The following CCSER1 variants were observed in gnomAD, a reference collection of about 807,000 sequenced individuals.
The protein encoded by CCSER1 is coiled-coil serine rich protein 1.
In CCSER1, 41 loss-of-function variants were observed where a neutral mutation model predicts 82.0. The ratio of observed to expected loss-of-function variants is 0.50; its 90% CI spans 0.39 to 0.65. The LOEUF is 0.65. Ranked by LOEUF, CCSER1 falls within the 30% of genes least tolerant of loss-of-function variation. The probability of loss-of-function intolerance (pLI) is 0.00; values close to 1 mark genes in which losing one functional copy is unlikely to be tolerated. For synonymous variants in CCSER1, 414 were observed against 383.9 expected (o/e 1.08, Z -0.92); for missense variants, 1,119 against 1,064.2 (o/e 1.05, Z -0.72).
chr4:91,009,443 G>A (rs370560232), intron 9 of CCSER1, among the ~76,000 whole-genome samples: 2 of 152,120 alleles, frequency 1.3e-5, no homozygotes, highest in Non-Finnish European at 1.5e-5. Context: ...TGCAAGCCCC[G>A]CGTTTAAAGG....
intron 4 of CCSER1, among the ~76,000 whole-genome samples, chr4:90,403,585 T>C (rs1334444325): frequency 6.6e-6 from 1 of 151,432 alleles, no homozygotes; most frequent in Non-Finnish European, 1.5e-5. Flanking sequence ...AATCACAGCA[T>C]TAAACATTCA....
Position 90,227,282 on chromosome 4 carries a change from A to C in CCSER1, c.-41-80962A>C, listed in dbSNP as rs528207166. Among the ~76,000 whole-genome samples, 12 of 152,340 alleles carry C rather than the reference A, an allele frequency of 7.9e-5. No homozygotes were observed. The East Asian group carries it at 2.3e-3, about 29-fold the overall frequency. On this transcript the variant is annotated intron_variant, in intron 1 of 10. Coordinates refer to ENST00000509176, the MANE Select transcript of CCSER1 (RefSeq NM_001145065.2). ...AATCATTTTACAACAATTCTAAGAA[A>C]ACTTAGTGTGTTTTACTGCATGAGA... is the stretch of plus-strand genomic sequence containing the variant.
chr4:91,435,719 A>C (rs930681535), intron 10 of CCSER1, among the ~76,000 whole-genome samples: 33 of 152,372 alleles, frequency 2.2e-4, no homozygotes, highest in Non-Finnish European at 4.3e-4. Flanking sequence ...AAAGTAAATT[A>C]AGGTATTTAT....
chr4:91,583,497 T>C (rs1319739229), intron 10 of CCSER1, among the ~76,000 whole-genome samples: 1 of 151,410 alleles, frequency 6.6e-6, no homozygotes, highest in Non-Finnish European at 1.5e-5. Flanking sequence ...TTATGATATG[T>C]TCTGAGTTAA....
At chr4:90,323,372 A>G (rs564895867) in intron 3 of CCSER1, among the ~76,000 whole-genome samples, 33 of 152,200 alleles carry the variant, frequency 2.2e-4, no homozygotes, top group Non-Finnish European at 4.4e-4. Context: ...TTGGGACCCC[A>G]TGCCACTTTG....
intron 8 of CCSER1, among the ~76,000 whole-genome samples, chr4:90,841,470 C>T (rs141390972): frequency 2.7e-5 from 4 of 149,092 alleles, no homozygotes; most frequent in South Asian, 2.2e-4. Flanking sequence ...CCCAGCTACT[C>T]GGGAGGCTGA....
intron 7 of CCSER1, among the ~76,000 whole-genome samples, chr4:90,755,128 C>T (rs1267111625): frequency 2.0e-5 from 3 of 152,150 alleles, no homozygotes; most frequent in Admixed American, 6.5e-5. Context: ...TTGCTTATGT[C>T]ACACTGGCCA....
intron 10 of CCSER1, among the ~76,000 whole-genome samples, chr4:91,594,310 T>A (rs1242356815): frequency 6.7e-6 from 1 of 149,802 alleles, no homozygotes; most frequent in Non-Finnish European, 1.5e-5. Context: ...TATATGTATA[T>A]GTGTATATAT....
At chr4:90,324,904 C>T (rs938472310) in intron 3 of CCSER1, among the ~76,000 whole-genome samples, 1 of 152,126 alleles carries the variant, frequency 6.6e-6, no homozygotes, top group African/African-American at 2.4e-5. Context: ...GCCAGTTTTC[C>T]CAGCACCATT....
rs138940636 is a variant in CCSER1, at chr4:91,178,550, T to C, written c.2217+92556T>C. 4.9e-3 allele frequency among the ~76,000 whole-genome samples: 742 copies of C among 152,350 alleles called. 6 individuals carry two copies. Among genetic ancestry groups the C allele is most frequent in the African/African-American group, 0.017 (699 of 41,588 alleles). The stretch of plus-strand genomic sequence containing the variant: ...GCTCTTCTTGTTGAATTGATCCCTT[T>C]ACCATTATGTAATGGCCTTCCTTCT... On this transcript the variant is annotated intron_variant, in intron 10 of 10. Transcript: ENST00000509176.
At chr4:90,346,147 C>T (rs909543116) in intron 3 of CCSER1, among the ~76,000 whole-genome samples, 1 of 151,876 alleles carries the variant, frequency 6.6e-6, no homozygotes. Flanking sequence ...TAATGGATGC[C>T]GCTTGGACTA....
At chr4:90,437,275 G>A (rs1050195277) in intron 4 of CCSER1, among the ~76,000 whole-genome samples, 14 of 147,840 alleles carry the variant, frequency 9.5e-5, no homozygotes, top group East Asian at 2.3e-4. Flanking sequence ...ACACATGCGC[G>A]CGCACACACA....
At chr4:90,587,806 G>A (rs185454525) in intron 5 of CCSER1, among the ~76,000 whole-genome samples, 91 of 152,220 alleles carry the variant, frequency 6.0e-4, no homozygotes, top group African/African-American at 2.0e-3. Flanking sequence ...ATTTATAGTT[G>A]ATAATGTTTA....
intron 8 of CCSER1, among the ~76,000 whole-genome samples, chr4:90,842,693 G>A (rs992380472): frequency 6.6e-6 from 1 of 152,130 alleles, no homozygotes; most frequent in Non-Finnish European, 1.5e-5. Flanking sequence ...AGCTCCTTCA[G>A]GAAAGAGATG....
chr4:91,537,799 A>G (rs1761372220), intron 10 of CCSER1, among the ~76,000 whole-genome samples: 1 of 132,090 alleles, frequency 7.6e-6, no homozygotes, highest in African/African-American at 2.9e-5. Flanking sequence ...GAGTATATAT[A>G]TTCCATGTAA....
chr4:90,590,711 T>G (rs1782588069), intron 5 of CCSER1, among the ~76,000 whole-genome samples: 1 of 152,190 alleles, frequency 6.6e-6, no homozygotes. Context: ...CCTTGTAGTA[T>G]AGTTTGAAGT....
At chr4:91,517,772 GTGTGTGTGTGTGTT>G (rs979780010) in intron 10 of CCSER1, among the ~76,000 whole-genome samples, 18 of 141,690 alleles carry the variant, frequency 1.3e-4, no homozygotes, top group Non-Finnish European at 1.7e-4. Context: ...GTGTGTGTGT[GTGTGTGTGTGTGTT>G]TAACTTTGAT....
At chr4:90,632,224 A>G (rs1177880270) in intron 6 of CCSER1, among the ~76,000 whole-genome samples, 1 of 152,118 alleles carries the variant, frequency 6.6e-6, no homozygotes, top group Non-Finnish European at 1.5e-5. Context: ...ATTACTGGCT[A>G]AACAACCTTA....
chr4:90,202,466 G>T (rs1737934072), intron 1 of CCSER1, among the ~76,000 whole-genome samples: 1 of 152,064 alleles, frequency 6.6e-6, no homozygotes, highest in Non-Finnish European at 1.5e-5. Context: ...GCCTCCCAGA[G>T]TGCTGGAATT....
Sources: gnomAD v4.1 joint callset for allele counts (sites outside exome capture counted in the v4.1 genomes callset) on GRCh38, gnomAD v4.1.1 for gene constraint, MANE v1.5 for transcripts, NCBI Gene and HGNC (gene_info 2026-07-23, HGNC 2026-07-21) for gene names.